The following EHMT2 variants were observed in gnomAD, a reference collection of about 807,000 sequenced individuals.
EHMT2 encodes the protein euchromatic histone lysine methyltransferase 2, also known as histone-lysine N-methyltransferase EHMT2.
Under a neutral mutation model 143.3 loss-of-function variants are expected in EHMT2, and 59 were observed. That is an observed-to-expected ratio of 0.41 (90% CI 0.33 to 0.51). The LOEUF is 0.51. Ranked by LOEUF, EHMT2 falls within the 20% of genes least tolerant of loss-of-function variation. The probability of loss-of-function intolerance (pLI) is 0.18; values close to 1 mark genes in which losing one functional copy is unlikely to be tolerated. For synonymous variants in EHMT2, 604 were observed against 651.5 expected, an observed-to-expected ratio of 0.93 and a Z score of 1.11; for missense variants, 1,174 against 1,645.9, an observed-to-expected ratio of 0.71 and a Z score of 4.96.
rs765396655 is a variant in EHMT2, at chr6:31,880,097, G to C, written c.3620C>G (p.Pro1207Arg). Residue 1207 changes from proline to arginine, a missense_variant, in exon 28 of 28, where the codon CCT becomes CGT. By Grantham distance (103) the Pro-to-Arg change is moderately radical. Coordinates refer to ENST00000375537, the Ensembl canonical transcript of EHMT2. This position sits in a 1 kb window ranked among gnomAD's most constrained non-coding sequence, Gnocchi z 6.6. ...TGTGGTCCGTTCTCATGTGTTGACAGGGGGCAGGGAGCCGAGCTCGGGCAG... is the reference window on the plus strand; with the variant it reads ...TGTGGTCCGTTCTCATGTGTTGACACGGGGCAGGGAGCCGAGCTCGGGCAG... 6 of 1,612,468 alleles carry C rather than the reference G, an allele frequency of 3.7e-6. No individual in the cohort carries two copies. The highest frequency in any genetic ancestry group is 1.7e-6 in the Non-Finnish European group (2 of 1,179,942).
intron 5 of EHMT2, 29 bp from the exon 6 acceptor site, chr6:31,892,763 C>T: frequency 2.5e-6 from 4 of 1,613,084 alleles, no homozygotes; most frequent in Non-Finnish European, 3.4e-6. Flanking sequence ...TGGTGTGGGG[C>T]CTATCACCGA....
At chr6:31,894,692 C>T (rs1042898146) in intron 4 of EHMT2, among the ~76,000 whole-genome samples, 3 of 152,124 alleles carry the variant, frequency 2.0e-5, no homozygotes, top group Admixed American at 1.3e-4. Context: ...TTTTGAGTCT[C>T]GCTCTGTTGC....
intron 18 of EHMT2, 47 bp from the exon 19 acceptor site, chr6:31,885,063 C>T (rs752494291): frequency 1.7e-5 from 26 of 1,562,734 alleles, no homozygotes; most frequent in Non-Finnish European, 2.1e-5. Context: ...GCCCTGCTCA[C>T]CAAAGCAGCA....
exon 3 of EHMT2, chr6:31,896,798 G>A (rs1766531197): frequency 4.3e-6 from 7 of 1,612,956 alleles, no homozygotes; most frequent in African/African-American, 1.3e-5. Context: ...TCTTCACTAC[G>A]AGGGGTGTCC....
rs760833882 is a variant in EHMT2, at chr6:31,880,076, G to A, written c.*8C>T. ...ATCCATGCTGGGGAGAGAGGGTGTG[G>A]TCCGTTCTCATGTGTTGACAGGGGG... On this transcript the variant is annotated 3_prime_UTR_variant, in exon 28 of 28. Transcript: ENST00000375537. This position sits in a 1 kb window ranked among gnomAD's most constrained non-coding sequence, Gnocchi z 6.6. The A allele has an allele frequency of 6.2e-7, 1 of 1,611,088 alleles. No individual in the cohort carries two copies. Among genetic ancestry groups the A allele is most frequent in the Non-Finnish European group, 8.5e-7 (1 of 1,179,246 alleles).
intron 7 of EHMT2, 34 bp downstream of exon 7, chr6:31,892,373 C>T: frequency 6.2e-7 from 1 of 1,603,904 alleles, no homozygotes; most frequent in Non-Finnish European, 8.5e-7. Context: ...CCTGGGGGAG[C>T]ACCGGCGGGG....
At chr6:31,897,114 C>G in intron 1 of EHMT2, 125 bp from the exon 2 acceptor site, 4 of 1,422,854 alleles carry the variant, frequency 2.8e-6, no homozygotes, top group Non-Finnish European at 3.7e-6. Flanking sequence ...GTGGGGCCCC[C>G]CCCTTCCGCG....
intron 4 of EHMT2, 118 bp downstream of exon 4, chr6:31,896,145 C>T (rs1197280055): frequency 7.1e-7 from 1 of 1,412,550 alleles, no homozygotes; most frequent in African/African-American, 1.4e-5. Flanking sequence ...ATTTGACACA[C>T]AGCAGCCCCT....
chr6:31,883,552 A>G lies in EHMT2; in HGVS notation c.2917-113T>C. ...CCTTTCTTTGGGGTCCATGTGTTAC[A>G]ACAGTGGGTGGTGATGGTCCTAGGG... On this transcript the variant is annotated intron_variant, in intron 22 of 27. Transcript: ENST00000375537. This position sits in a 1 kb window ranked among gnomAD's most constrained non-coding sequence, Gnocchi z 5.6. 1.7e-6 allele frequency: 2 copies of G among 1,181,674 alleles called. No individual in the cohort carries two copies. Among genetic ancestry groups the G allele is most frequent in the Non-Finnish European group, 1.2e-6 (1 of 814,494 alleles). The allele number at this position is 1,181,674 out of a possible 1,614,324, so 73.2% of individuals were successfully genotyped here.
intron 1 of EHMT2, 45 bp downstream of exon 1, chr6:31,897,591 C>T: frequency 1.8e-6 from 2 of 1,108,648 alleles, no homozygotes; most frequent in Non-Finnish European, 1.1e-6. Context: ...TTCCCCCGGG[C>T]GCGCGCGCGG....
rs576052029 is a variant in EHMT2, at chr6:31,888,493, T to C, written c.1379A>G (p.Asn460Ser). Residue 460 changes from asparagine (N) to serine (S), a missense_variant, in exon 12 of 28, where the codon AAT (asparagine) becomes AGT (serine). By Grantham distance (46) the Asn-to-Ser change is conservative (BLOSUM62 1). Coordinates refer to ENST00000375537, the Ensembl canonical transcript of EHMT2. This position sits in a 1 kb window ranked among gnomAD's most constrained non-coding sequence, Gnocchi z 7.4. ...GGTCTCCCGCTTGAGGATGGCGGCA[T>C]TGCAGCCTGACAGCTGTGCGCAGTG... is the stretch of plus-strand genomic sequence containing the variant. The C allele has an allele frequency of 6.4e-5, 103 of 1,612,640 alleles. 2 individuals are homozygous for C. The South Asian group carries it at 1.0e-3, about 16-fold the overall frequency.
At chr6:31,886,371 G>A (rs1167043549) in intron 18 of EHMT2, 2 of 588,822 alleles carry the variant, frequency 3.4e-6, no homozygotes, top group East Asian at 5.6e-5. Context: ...CAGAGATTAA[G>A]ACAGGAACTG....
chr6:31,897,130 G>C, intron 1 of EHMT2, 141 bp from the exon 2 acceptor site: 2 of 1,396,494 alleles, frequency 1.4e-6, no homozygotes. Context: ...CCGCGGCCTC[G>C]GCTGCCCGGA....
chr6:31,888,657 T>A lies in EHMT2; in HGVS notation c.1307A>T (p.Asp436Val). The change falls in exon 11 of 28, where the codon GAC becomes GTC. Residue 436 changes from aspartate to valine, a missense_variant. Physicochemically the swap from Asp to Val is radical, Grantham distance 152. This residue lies in a region of EHMT2 where 608 missense variants were observed against 903.7 expected (regional missense o/e 0.67). Transcript: ENST00000375537. This position sits in a 1 kb window ranked among gnomAD's most constrained non-coding sequence, Gnocchi z 7.4. ...GTGCCCCGCCCTCTCGCTGATGCGG[T>A]CAATCTTGGGTGCCTCCATGCGGCA... 1 of 1,613,712 alleles carries A rather than the reference T, an allele frequency of 6.2e-7. No homozygotes were observed. The highest frequency in any genetic ancestry group is 8.5e-7 in the Non-Finnish European group (1 of 1,180,000).
Position 31,883,087 on chromosome 6 carries a change from C to T in EHMT2, c.2995-78G>A, listed in dbSNP as rs2151596948. The stretch of plus-strand genomic sequence containing the variant: ...CCCACCCAGGAACCCCAAGACTCTA[C>T]AGAGACAGGGAAGTTGGGGTTGGGG... On this transcript the variant is annotated intron_variant, in intron 23 of 27. Coordinates refer to ENST00000375537, the Ensembl canonical transcript of EHMT2. This position sits in a 1 kb window ranked among gnomAD's most constrained non-coding sequence, Gnocchi z 5.6. 1.5e-6 allele frequency: 2 copies of T among 1,340,726 alleles called. No individual in the cohort carries two copies. Among genetic ancestry groups the T allele is most frequent in the Non-Finnish European group, 2.1e-6 (2 of 949,188 alleles). The allele number at this position is 1,340,726 out of a possible 1,614,324, so 83.1% of individuals were successfully genotyped here.
chr6:31,886,967 T>C, intron 16 of EHMT2, 28 bp downstream of exon 16: 8 of 1,613,702 alleles, frequency 5.0e-6, no homozygotes, highest in Non-Finnish European at 6.8e-6. Context: ...GCCTGGTGAA[T>C]GAGGCATGGG....
Position 31,889,510 on chromosome 6 carries a change from T to C in EHMT2, c.957A>G (p.Glu319=). 2 of 1,612,396 alleles carry C rather than the reference T, an allele frequency of 1.2e-6. No individual in the cohort carries two copies. The highest frequency in any genetic ancestry group is 1.7e-6 in the Non-Finnish European group (2 of 1,179,760). ...CTGACTCCTCATCTTCCTCTTCTTC[T>C]TCCTCTTCCTCCTCCTCTTCCTCTT... The change falls in exon 8 of 28, where the codon GAA becomes GAG. Residue 319 remains glutamate (E), a synonymous_variant. Coordinates refer to ENST00000375537, the Ensembl canonical transcript of EHMT2. The surrounding 1 kb of genome is among the most constrained non-coding windows in gnomAD (Gnocchi z 5.1).
chr6:31,891,538 G>C (rs1003683351), intron 7 of EHMT2, among the ~76,000 whole-genome samples: 1 of 152,178 alleles, frequency 6.6e-6, no homozygotes, highest in Admixed American at 6.5e-5. Flanking sequence ...GATGGGTCAA[G>C]ATGGACTGTG....
At chr6:31,882,914 C>T in exon 24 of EHMT2, 1 of 1,612,952 alleles carries the variant, frequency 6.2e-7, no homozygotes, top group Non-Finnish European at 8.5e-7. Flanking sequence ...TCTGTACGAC[C>T]CGGTTCTTGC....
Sources: allele counts gnomAD v4.1 joint callset (sites outside exome capture counted in the v4.1 genomes callset), GRCh38; gene constraint gnomAD v4.1.1; regional missense constraint gnomAD v4.1.1; non-coding constraint Gnocchi (gnomAD v3.1); transcripts MANE v1.5; gene names NCBI Gene and HGNC (gene_info 2026-07-23, HGNC 2026-07-21).